GOLGA4: variants seen among roughly 807,000 people sequenced by gnomAD.
GOLGA4 encodes golgin subfamily A member 4.
In GOLGA4, 169 loss-of-function variants were observed where a neutral mutation model predicts 265.9. The observed-to-expected ratio is 0.64, with a 90% confidence interval of 0.56 to 0.72. The LOEUF (loss-of-function observed/expected upper bound fraction) is 0.72. Ranked by LOEUF, GOLGA4 falls within the 30% of genes least tolerant of loss-of-function variation. GOLGA4 has a pLI of 0.00. For synonymous variants in GOLGA4, 923 were observed against 855.8 expected, an observed-to-expected ratio of 1.08 and a Z score of -1.37; for missense variants, 2,482 against 2,483.4, an observed-to-expected ratio of 1.00 and a Z score of 0.01.
chr3:37,278,206 T>TC (rs1226501659), intron 2 of GOLGA4, among the ~76,000 whole-genome samples: 1 of 148,876 alleles, frequency 6.7e-6, no homozygotes, highest in Non-Finnish European at 1.5e-5. Context: ...TTTCTTTTCT[T>TC]TTTTTTTTTT....
chr3:37,350,388 A>T (rs1256985467), intron 21 of GOLGA4, among the ~76,000 whole-genome samples: 1 of 152,134 alleles, frequency 6.6e-6, no homozygotes, highest in South Asian at 2.1e-4. Flanking sequence ...TTTTTCCCCA[A>T]ACATGCTTGT....
chr3:37,329,370 C>G (rs2096982860), intron 16 of GOLGA4: 1 of 198,542 alleles, frequency 5.0e-6, no homozygotes, highest in Non-Finnish European at 1.0e-5. Context: ...AGAATAGATT[C>G]TTTCCCATCT....
intron 2 of GOLGA4, among the ~76,000 whole-genome samples, chr3:37,281,421 C>T (rs930206655): frequency 1.9e-4 from 29 of 152,106 alleles, no homozygotes; most frequent in African/African-American, 6.8e-4. Context: ...ACATTACCCT[C>T]CCCCCATCCC....
chr3:37,276,274 G>A (rs2096818241), intron 2 of GOLGA4: 1 of 1,570,652 alleles, frequency 6.4e-7, no homozygotes. Context: ...TACGAAGTAG[G>A]ATATCAAATC....
intron 22 of GOLGA4, among the ~76,000 whole-genome samples, chr3:37,356,351 C>T (rs2097091046): frequency 6.6e-6 from 1 of 152,156 alleles, no homozygotes; most frequent in South Asian, 2.1e-4. Flanking sequence ...CCTCTAAGCT[C>T]ATCCTAGCAT....
intron 2 of GOLGA4, among the ~76,000 whole-genome samples, chr3:37,269,106 A>G (rs972103041): frequency 6.6e-6 from 1 of 152,246 alleles, no homozygotes; most frequent in African/African-American, 2.4e-5. Context: ...AATTGAAGAC[A>G]AGTCTGTCAG....
chr3:37,308,685 G>A (rs2096914159), intron 10 of GOLGA4, among the ~76,000 whole-genome samples: 1 of 151,118 alleles, frequency 6.6e-6, no homozygotes, highest in South Asian at 2.1e-4. Flanking sequence ...GTGTGATCTC[G>A]GCTCACTGCA....
chr3:37,253,313 G>C (rs1161901009), intron 2 of GOLGA4, among the ~76,000 whole-genome samples: 1 of 151,286 alleles, frequency 6.6e-6, no homozygotes, highest in Non-Finnish European at 1.5e-5. Flanking sequence ...TATCTTAGAA[G>C]TTTAACAAAA....
Position 37,326,432 on chromosome 3 carries a change from T to A in GOLGA4, c.4546T>A (p.Leu1516Ile), listed in dbSNP as rs1382235211. 2 of 1,612,426 alleles carry A rather than the reference T, an allele frequency of 1.2e-6. No individual in the cohort carries two copies. The highest frequency in any genetic ancestry group is 1.7e-6 in the Non-Finnish European group (2 of 1,178,872). The change falls in exon 14 of 24, where the codon TTA (leucine) becomes ATA (isoleucine). Residue 1516 changes from leucine to isoleucine, a missense_variant. Leu to Ile is a conservative substitution (Grantham distance 5). Coordinates refer to ENST00000361924, the MANE Select transcript of GOLGA4 (RefSeq NM_002078.5). ...CAAGATGGAGAAAAAGGAGTCTAAT[T>A]TAGAAACAGAGTTAAAGTCTCAAAC... ...KSKMEKKESN[L>I]ETELKSQTAR...
intron 23 of GOLGA4, 94 bp from the exon 24 acceptor site, chr3:37,365,986 A>G: frequency 9.1e-7 from 1 of 1,099,538 alleles, no homozygotes; most frequent in Non-Finnish European, 1.3e-6. Flanking sequence ...ATTTTATTTC[A>G]AACTTGAAAA....
chr3:37,366,168 A>G lies in GOLGA4; in HGVS notation c.*122A>G. On this transcript the variant is annotated 3_prime_UTR_variant, in exon 24 of 24. Coordinates refer to ENST00000361924, the MANE Select transcript of GOLGA4 (RefSeq NM_002078.5). ...CCACACTTGCTACTCTTTGAGAATGAAGTTGTCATTCAGGGCCCCTCATGT... is the reference window on the plus strand; with the variant it reads ...CCACACTTGCTACTCTTTGAGAATGGAGTTGTCATTCAGGGCCCCTCATGT... The G allele has an allele frequency of 2.2e-6, 3 of 1,381,332 alleles. No individual in the cohort carries two copies. The highest frequency in any genetic ancestry group is 2.9e-6 in the Non-Finnish European group (3 of 1,030,856). 85.6% of individuals were successfully genotyped at this position (1,381,332 alleles called of 1,614,324 possible).
At chr3:37,268,951 A>G (rs1009541867) in intron 2 of GOLGA4, among the ~76,000 whole-genome samples, 1 of 152,238 alleles carries the variant, frequency 6.6e-6, no homozygotes, top group Non-Finnish European at 1.5e-5. Context: ...GTGAGGGTCT[A>G]ATCCATTACA....
chr3:37,322,356 G>A (rs1275783549), intron 13 of GOLGA4, among the ~76,000 whole-genome samples: 2 of 152,030 alleles, frequency 1.3e-5, no homozygotes, highest in African/African-American at 2.4e-5. Context: ...ACATAGTCCC[G>A]TAATGAACAT....
chr3:37,264,387 A>G (rs982609743), intron 2 of GOLGA4, among the ~76,000 whole-genome samples: 6 of 152,216 alleles, frequency 3.9e-5, no homozygotes, highest in African/African-American at 1.4e-4. Flanking sequence ...CCAAAGAGGC[A>G]TTTAGCATAT....
chr3:37,295,434 G>T (rs1231840803), intron 6 of GOLGA4, among the ~76,000 whole-genome samples: 1 of 152,120 alleles, frequency 6.6e-6, no homozygotes, highest in Non-Finnish European at 1.5e-5. Context: ...GCCCAGGCTG[G>T]TCTCAAACCC....
chr3:37,335,950 A>G (rs183140776), intron 17 of GOLGA4, among the ~76,000 whole-genome samples: 19 of 152,268 alleles, frequency 1.2e-4, no homozygotes, highest in Middle Eastern at 3.4e-3. Flanking sequence ...TAGCCCAGTC[A>G]TGGGGGTAAT....
rs147919071 is a variant in GOLGA4 at position 37,345,368 on chromosome 3, A to T, written c.6473-1825A>T. 9.8e-5 allele frequency among the ~76,000 whole-genome samples: 15 copies of T among 152,374 alleles called. No homozygotes were observed. In the East Asian group the frequency reaches 2.9e-3, roughly 29 times the overall value. Reference sequence around the variant, plus strand: ...AGGAAACTCCAAGCAAGCTTATGTTATAAAATTATCTGTAACACACAATTA... The same window carrying T: ...AGGAAACTCCAAGCAAGCTTATGTTTTAAAATTATCTGTAACACACAATTA... On this transcript the variant is annotated intron_variant, in intron 20 of 23. Coordinates refer to ENST00000361924, the MANE Select transcript of GOLGA4 (RefSeq NM_002078.5).
At chr3:37,297,138 A>G (rs558490117) in intron 7 of GOLGA4, among the ~76,000 whole-genome samples, 2 of 152,262 alleles carry the variant, frequency 1.3e-5, no homozygotes, top group Non-Finnish European at 2.9e-5. Flanking sequence ...AAGAAGAAAT[A>G]GCTATATTTT....
chr3:37,320,071 C>T (rs1196389081), intron 12 of GOLGA4: 1 of 148,142 alleles, frequency 6.8e-6, no homozygotes, highest in Non-Finnish European at 1.5e-5. Context: ...GGAATAATTT[C>T]AGTACTAATT....
Sources: allele counts gnomAD v4.1 joint callset (sites outside exome capture counted in the v4.1 genomes callset), GRCh38; gene constraint gnomAD v4.1.1; transcripts MANE v1.5; gene names NCBI Gene and HGNC (gene_info 2026-07-23, HGNC 2026-07-21).